The following MRPL22 variants were observed in gnomAD, a reference collection of about 807,000 sequenced individuals.
MRPL22 encodes mitochondrial ribosomal protein L22, also known as large ribosomal subunit protein uL22m.
Under a neutral mutation model 32.4 loss-of-function variants are expected in MRPL22, and 27 were observed. The observed-to-expected ratio is 0.83, with a 90% confidence interval of 0.61 to 1.15. The LOEUF (loss-of-function observed/expected upper bound fraction) is 1.15, where lower values mean the gene tolerates loss of function less well. Among genes scored for constraint, MRPL22 ranks in the 50% most tolerant of loss-of-function variants. MRPL22 has a pLI of 0.00. For synonymous variants in MRPL22, 86 were observed against 87.3 expected, an observed-to-expected ratio of 0.99 and a Z score of 0.08; for missense variants, 239 against 260.2, an observed-to-expected ratio of 0.92 and a Z score of 0.56.
chr5:154,959,681 A>G lies in MRPL22; in HGVS notation c.340-299A>G, dbSNP rs190061418. Among the ~76,000 whole-genome samples, 6 of 152,288 alleles carry G rather than the reference A, an allele frequency of 3.9e-5. 1 individual carries two copies. Among genetic ancestry groups the G allele is most frequent in the Admixed American group, 2.6e-4 (4 of 15,298 alleles). On this transcript the variant is annotated intron_variant, in intron 5 of 6. Coordinates refer to ENST00000523037, the MANE Select transcript of MRPL22 (RefSeq NM_014180.4). ...AACTTTTTGACAAGTTTCTGACTCA[A>G]AGACATAATGTTCCTTCCCAAGGGT...
chr5:154,959,425 C>A (rs1764673353), intron 5 of MRPL22, among the ~76,000 whole-genome samples: 1 of 152,030 alleles, frequency 6.6e-6, no homozygotes, highest in African/African-American at 2.4e-5. Flanking sequence ...CTCACTGCAG[C>A]CTCCACCTCC....
At chr5:154,951,993 CT>C (rs914990945) in intron 3 of MRPL22, among the ~76,000 whole-genome samples, 67 of 151,932 alleles carry the variant, frequency 4.4e-4, no homozygotes, top group African/African-American at 1.6e-3. Flanking sequence ...CGCCATTCTC[CT>C]GTCTCAGCCT....
chr5:154,944,950 G>A (rs1314124806), intron 2 of MRPL22, among the ~76,000 whole-genome samples: 2 of 152,316 alleles, frequency 1.3e-5, no homozygotes, highest in African/African-American at 4.8e-5. Flanking sequence ...GATAGGAGAT[G>A]AGGTCAGAGA....
Position 154,966,671 on chromosome 5 carries a change from T to C in MRPL22, c.410-15T>C, listed in dbSNP as rs1173242245. ...AACACTCATTTCCTGTAATTCTCTT[T>C]TTCTTCCTGTTTAGCTGAGTCCACC... On this transcript the variant is annotated splice_polypyrimidine_tract_variant and intron_variant, in intron 6 of 6. Transcript: ENST00000523037. The C allele has an allele frequency of 6.2e-7, 1 of 1,612,594 alleles. No homozygotes were observed. The highest frequency in any genetic ancestry group is 1.3e-5 in the African/African-American group (1 of 74,886).
chr5:154,955,360 A>G (rs1449853681), intron 3 of MRPL22: 2 of 151,940 alleles, frequency 1.3e-5, no homozygotes, highest in Non-Finnish European at 2.9e-5. Context: ...AAGTTTTGAG[A>G]CCTCCTTGCT....
intron 2 of MRPL22, among the ~76,000 whole-genome samples, chr5:154,946,211 C>G (rs1349696468): frequency 6.6e-6 from 1 of 152,068 alleles, no homozygotes; most frequent in East Asian, 1.9e-4. Context: ...CAAAGGGGTT[C>G]ATGTTTCTGT....
chr5:154,969,281 T>C lies in MRPL22; in HGVS notation c.*2384T>C, dbSNP rs917885747. Reference sequence around the variant, plus strand: ...TTTATAAGTGTTTGAAAGTTCCCTCTTCACTCGCTGTCTTGCCTGCTGCCA... The same window carrying C: ...TTTATAAGTGTTTGAAAGTTCCCTCCTCACTCGCTGTCTTGCCTGCTGCCA... On this transcript the variant is annotated 3_prime_UTR_variant, in exon 7 of 7. Coordinates refer to ENST00000523037, the MANE Select transcript of MRPL22 (RefSeq NM_014180.4). The C allele has an allele frequency of 2.0e-5, 3 of 152,202 alleles. No individual in the cohort carries two copies. The highest frequency in any genetic ancestry group is 7.2e-5 in the African/African-American group (3 of 41,402). 9.4% of individuals were successfully genotyped at this position (152,202 alleles called of 1,614,324 possible). A position where few individuals can be genotyped will look rare whatever the true frequency, so the allele number is the denominator to read the frequency against.
At chr5:154,959,959 C>T in intron 5 of MRPL22, 21 bp from the exon 6 acceptor site, 3 of 1,586,750 alleles carry the variant, frequency 1.9e-6, no homozygotes, top group Non-Finnish European at 2.6e-6. Flanking sequence ...CGTATAAATG[C>T]TTTTCTTTTT....
intron 2 of MRPL22, 63 bp from the exon 3 acceptor site, chr5:154,950,758 T>A: frequency 9.6e-7 from 1 of 1,043,862 alleles, no homozygotes; most frequent in Non-Finnish European, 1.5e-6. Flanking sequence ...TCAAAAGATA[T>A]GTAAACTCTA....
chr5:154,969,350 C>T lies in MRPL22; in HGVS notation c.*2453C>T, dbSNP rs551603701. 1 of 152,382 alleles carries T rather than the reference C, an allele frequency of 6.6e-6. No homozygotes were observed. Among genetic ancestry groups the T allele is most frequent in the South Asian group, 2.1e-4 (1 of 4,828 alleles). The allele number at this position is 152,382 out of a possible 1,614,324, so 9.4% of individuals were successfully genotyped here. ...CACCCTCTGCCATGATTGTAAGTTT[C>T]CTGAGGCCTCCCCAGCCATGCAGAA... is the stretch of plus-strand genomic sequence containing the variant. On this transcript the variant is annotated 3_prime_UTR_variant, in exon 7 of 7. Transcript: ENST00000523037.
chr5:154,943,958 A>G (rs1326980852), intron 2 of MRPL22, among the ~76,000 whole-genome samples: 2 of 151,850 alleles, frequency 1.3e-5, no homozygotes, highest in Non-Finnish European at 2.9e-5. Flanking sequence ...TATATTTGTT[A>G]GCTGACTGAC....
In MRPL22 at chr5:154,966,830, C is replaced by T. The variant is rs145618568; in HGVS notation, c.554C>T (p.Thr185Met). 234 of 1,614,060 alleles carry T rather than the reference C, an allele frequency of 1.4e-4. No homozygotes were observed. Among genetic ancestry groups the T allele is most frequent in the Non-Finnish European group, 1.7e-4 (205 of 1,180,032 alleles). The part of the protein sequence containing the change: ...GPPPPPEPPK[T>M]AVAHAKEYIQ... ...CCACCTCCACCTGAGCCACCAAAGA[C>T]GGCAGTTGCCCATGCCAAAGAGTAT... The change falls in exon 7 of 7, where the codon ACG becomes ATG. Residue 185 changes from threonine (T) to methionine (M), a missense_variant. Physicochemically the swap from Thr to Met is moderately conservative, Grantham distance 81. Coordinates refer to ENST00000523037, the MANE Select transcript of MRPL22 (RefSeq NM_014180.4).
intron 6 of MRPL22, among the ~76,000 whole-genome samples, chr5:154,965,713 C>T (rs368878133): frequency 6.6e-4 from 101 of 152,250 alleles, no homozygotes; most frequent in African/African-American, 1.7e-3. Flanking sequence ...TGAGCCACCG[C>T]GCCTGGCCCT....
intron 6 of MRPL22, among the ~76,000 whole-genome samples, chr5:154,966,028 T>A (rs1433293190): frequency 6.6e-6 from 1 of 152,190 alleles, no homozygotes; most frequent in East Asian, 1.9e-4. Context: ...TCCAGTGGCT[T>A]CTCATCACAA....
chr5:154,957,547 A>T (rs1764646512), intron 5 of MRPL22, among the ~76,000 whole-genome samples: 1 of 152,030 alleles, frequency 6.6e-6, no homozygotes, highest in Admixed American at 6.5e-5. Context: ...GTGTTTGTGT[A>T]TATAATTTAT....
At chr5:154,950,973 G>T (rs367767598) in intron 3 of MRPL22, 35 bp downstream of exon 3, 57 of 1,319,778 alleles carry the variant, frequency 4.3e-5, no homozygotes, top group Non-Finnish European at 6.0e-5. Flanking sequence ...TCTTAATTGT[G>T]GTAGTGCTCT....
intron 2 of MRPL22, among the ~76,000 whole-genome samples, chr5:154,950,326 C>G (rs926524495): frequency 1.3e-5 from 2 of 152,146 alleles, no homozygotes; most frequent in East Asian, 1.9e-4. Flanking sequence ...GACACAGAGC[C>G]GAGCCATATC....
intron 2 of MRPL22, 126 bp downstream of exon 2, chr5:154,941,391 G>A: frequency 8.7e-7 from 1 of 1,152,056 alleles, no homozygotes; most frequent in Non-Finnish European, 1.2e-6. Flanking sequence ...GAATGAGACA[G>A]CCCGAGTCTC....
intron 2 of MRPL22, 58 bp downstream of exon 2, chr5:154,941,323 G>C: frequency 6.2e-7 from 1 of 1,605,640 alleles, no homozygotes; most frequent in Non-Finnish European, 8.5e-7. Context: ...TATTCTGCCA[G>C]TTGGTAACTG....
Sources: gnomAD v4.1 joint callset for allele counts (sites outside exome capture counted in the v4.1 genomes callset) on GRCh38, gnomAD v4.1.1 for gene constraint, MANE v1.5 for transcripts, NCBI Gene and HGNC (gene_info 2026-07-23, HGNC 2026-07-21) for gene names.